The following ACOXL variants were observed in gnomAD, a reference collection of about 807,000 sequenced individuals.
The protein encoded by ACOXL is acyl-coenzyme A oxidase-like protein.
In ACOXL, 70 loss-of-function variants were observed where a neutral mutation model predicts 71.9. That is an observed-to-expected ratio of 0.97 (90% CI 0.80 to 1.19). The LOEUF is 1.19. Among genes scored for constraint, ACOXL ranks in the 50% most tolerant of loss-of-function variants. The pLI is 0.00. For synonymous variants in ACOXL, 253 were observed against 281.6 expected, an observed-to-expected ratio of 0.90 and a Z score of 1.02; for missense variants, 703 against 736.3, an observed-to-expected ratio of 0.95 and a Z score of 0.52.
intron 9 of ACOXL, among the ~76,000 whole-genome samples, chr2:110,826,769 C>CTT (rs1302346360): frequency 8.0e-6 from 1 of 124,876 alleles, no homozygotes; most frequent in African/African-American, 3.4e-5. Flanking sequence ...TTTTTTTTTC[C>CTT]TTTTTTTTTT....
At chr2:110,921,388 AC>A (rs376926482) in intron 11 of ACOXL, among the ~76,000 whole-genome samples, 3,866 of 57,560 alleles carry the variant, frequency 0.067, 71 homozygotes, top group African/African-American at 0.12. Flanking sequence ...CTATATATCC[AC>A]CCCCCCCCCC....
intron 3 of ACOXL, among the ~76,000 whole-genome samples, chr2:110,792,675 C>T (rs113517568): frequency 1.3e-5 from 2 of 151,976 alleles, no homozygotes; most frequent in African/African-American, 4.8e-5. Flanking sequence ...GCCTGTAGTC[C>T]CTAGTCCCAG....
rs193260500 is a variant in ACOXL at position 110,814,602 on chromosome 2, T to C, written c.753+9207T>C. The stretch of plus-strand genomic sequence containing the variant: ...GGCTCTAAGAAGGGAAGCAAAATAA[T>C]GGTTAGTAGAATATTTGTGGGTTAT... On this transcript the variant is annotated intron_variant, in intron 9 of 17. Coordinates refer to ENST00000439055, the MANE Select transcript of ACOXL (RefSeq NM_001142807.4). 4.7e-3 allele frequency among the ~76,000 whole-genome samples: 709 copies of C among 152,252 alleles called. 5 individuals are homozygous for C. The highest frequency in any genetic ancestry group is 6.4e-3 in the South Asian group (31 of 4,820).
chr2:111,070,823 C>T (rs886782086), intron 16 of ACOXL, among the ~76,000 whole-genome samples: 1 of 152,032 alleles, frequency 6.6e-6, no homozygotes, highest in African/African-American at 2.4e-5. Context: ...ATAGCATGTG[C>T]CTTGGGTCTG....
chr2:110,875,572 G>A (rs966580755), intron 10 of ACOXL, among the ~76,000 whole-genome samples: 3 of 152,146 alleles, frequency 2.0e-5, no homozygotes, highest in African/African-American at 7.2e-5. Context: ...GTGCACAAGT[G>A]TGCTTTCTGG....
At chr2:110,971,202 A>G (rs2062169126) in intron 12 of ACOXL, among the ~76,000 whole-genome samples, 1 of 152,256 alleles carries the variant, frequency 6.6e-6, no homozygotes, top group Non-Finnish European at 1.5e-5. Context: ...CCCATGGCAA[A>G]TAAGCACATG....
At chr2:110,948,683 C>A (rs1190290722) in intron 12 of ACOXL, among the ~76,000 whole-genome samples, 3 of 131,998 alleles carry the variant, frequency 2.3e-5, no homozygotes, top group African/African-American at 8.6e-5. Flanking sequence ...AGCCAGGGAC[C>A]AAGGAAGATC....
At chr2:110,850,445 A>G (rs1211781184) in intron 10 of ACOXL, among the ~76,000 whole-genome samples, 2 of 152,242 alleles carry the variant, frequency 1.3e-5, no homozygotes, top group Non-Finnish European at 2.9e-5. Context: ...ATAAATGGGC[A>G]AAAAATACTC....
At chr2:110,963,605 T>TGTGTG in intron 12 of ACOXL, 1 of 1,590,656 alleles carries the variant, frequency 6.3e-7, no homozygotes, top group East Asian at 2.6e-5. Flanking sequence ...GTGTGTGTGT[T>TGTGTG]TTTCTCTTTC....
intron 11 of ACOXL, among the ~76,000 whole-genome samples, chr2:110,913,819 G>C (rs918822220): frequency 6.6e-6 from 1 of 152,212 alleles, no homozygotes; most frequent in African/African-American, 2.4e-5. Context: ...GCAGGAGCAA[G>C]AGAGAGTAGG....
chr2:110,805,159 A>G lies in ACOXL; in HGVS notation c.621-104A>G, dbSNP rs181348129. Reference sequence around the variant, plus strand: ...TCAAGGGGGAAGTTCCACGATGGGGAAATCCGAGTGCTTCCCTGTGTATGC... The same window carrying G: ...TCAAGGGGGAAGTTCCACGATGGGGGAATCCGAGTGCTTCCCTGTGTATGC... On this transcript the variant is annotated intron_variant, in intron 8 of 17. Transcript: ENST00000439055. 334 of 1,455,754 alleles carry G rather than the reference A, an allele frequency of 2.3e-4. 1 individual carries two copies. In the African/African-American group the frequency reaches 4.2e-3, roughly 18 times the overall value. The allele number at this position is 1,455,754 out of a possible 1,614,324, so 90.2% of individuals were successfully genotyped here.
At chr2:110,981,153 A>G (rs1019862229) in intron 12 of ACOXL, among the ~76,000 whole-genome samples, 1 of 152,214 alleles carries the variant, frequency 6.6e-6, no homozygotes, top group Non-Finnish European at 1.5e-5. Context: ...ACTTGAGGTC[A>G]GGAGTTCGAG....
rs543911371 is a variant in ACOXL, at chr2:111,023,657, T to G, written c.1282-7970T>G. 2.6e-5 allele frequency among the ~76,000 whole-genome samples: 4 copies of G among 152,062 alleles called. No individual in the cohort carries two copies. The East Asian group carries it at 7.8e-4, about 30-fold the overall frequency. On this transcript the variant is annotated intron_variant, in intron 14 of 17. Coordinates refer to ENST00000439055, the MANE Select transcript of ACOXL (RefSeq NM_001142807.4). ...GGTATGGAGCAGGATGGAGGATAATTGCCAAGAGAGACACTGAGCCCCTCA... is the reference window on the plus strand; with the variant it reads ...GGTATGGAGCAGGATGGAGGATAATGGCCAAGAGAGACACTGAGCCCCTCA...
At chr2:110,768,242 G>A in intron 1 of ACOXL, 126 bp from the exon 2 acceptor site, 1 of 685,156 alleles carries the variant, frequency 1.5e-6, no homozygotes, top group Non-Finnish European at 2.6e-6. Flanking sequence ...CACACACAGT[G>A]TGCACAGTAT....
At chr2:110,840,632 C>G (rs1267022045) in intron 9 of ACOXL, among the ~76,000 whole-genome samples, 1 of 152,126 alleles carries the variant, frequency 6.6e-6, no homozygotes, top group African/African-American at 2.4e-5. Flanking sequence ...AGCCAGGGCC[C>G]CTGTCATATG....
chr2:111,058,963 A>G (rs2149871832), intron 16 of ACOXL, among the ~76,000 whole-genome samples: 1 of 152,306 alleles, frequency 6.6e-6, no homozygotes, highest in East Asian at 1.9e-4. Flanking sequence ...AGGATGAGCC[A>G]GGGCAGTGTC....
chr2:111,106,250 C>A (rs2069533185), intron 17 of ACOXL, among the ~76,000 whole-genome samples: 1 of 152,110 alleles, frequency 6.6e-6, no homozygotes, highest in African/African-American at 2.4e-5. Flanking sequence ...TTTTATTGTG[C>A]CATCTTTCAG....
intron 17 of ACOXL, among the ~76,000 whole-genome samples, chr2:111,109,671 A>ATTTTTTTTTTTTTT (rs869081161): frequency 6.6e-5 from 5 of 75,644 alleles, no homozygotes; most frequent in African/African-American, 1.1e-4. Context: ...TTCTCCTTCT[A>ATTTTTTTTTTTTTT]TTTTTTTTTT....
At chr2:110,759,438 C>T (rs1680101814) in intron 1 of ACOXL, among the ~76,000 whole-genome samples, 1 of 152,110 alleles carries the variant, frequency 6.6e-6, no homozygotes, top group African/African-American at 2.4e-5. Context: ...TAATGCCCTT[C>T]TTTGTCTTTT....
Sources: allele counts gnomAD v4.1 joint callset (sites outside exome capture counted in the v4.1 genomes callset), GRCh38; gene constraint gnomAD v4.1.1; transcripts MANE v1.5; gene names NCBI Gene and HGNC (gene_info 2026-07-23, HGNC 2026-07-21).